IMPG2: variants seen among roughly 807,000 people sequenced by gnomAD.
IMPG2 encodes IPM 200.
IMPG2 carries 91 observed loss-of-function variants against 129.2 expected under a neutral mutation model. That is an observed-to-expected ratio of 0.70 (90% CI 0.59 to 0.84). IMPG2 has a LOEUF of 0.84. IMPG2 is among the 40% of genes least tolerant of loss of function. The pLI, the probability that IMPG2 is intolerant of heterozygous loss-of-function variation, is 0.00. For synonymous variants in IMPG2, 510 were observed against 517.7 expected (o/e 0.99, Z 0.20); for missense variants, 1,430 against 1,461.7 (o/e 0.98, Z 0.35).
intron 11 of IMPG2, among the ~76,000 whole-genome samples, chr3:101,248,071 G>A (rs1323601757): frequency 6.6e-6 from 1 of 152,126 alleles, no homozygotes; most frequent in Non-Finnish European, 1.5e-5. Context: ...GTCTATGGCC[G>A]TGAAATAAAA....
At chr3:101,250,104 G>T (rs574131853) in intron 11 of IMPG2, among the ~76,000 whole-genome samples, 1 of 152,260 alleles carries the variant, frequency 6.6e-6, no homozygotes, top group East Asian at 1.9e-4. Context: ...ATTACCAGGA[G>T]TACTGTTAAC....
intron 11 of IMPG2, among the ~76,000 whole-genome samples, chr3:101,249,076 A>G (rs546105): frequency 0.63 from 95,373 of 152,062 alleles, 30,278 homozygotes; most frequent in Admixed American, 0.7. Context: ...CTCCACAATT[A>G]CAGCTCCAGC....
chr3:101,256,190 AAAG>A (rs1484601436), intron 10 of IMPG2, among the ~76,000 whole-genome samples: 1 of 150,530 alleles, frequency 6.6e-6, no homozygotes, highest in African/African-American at 2.5e-5. Flanking sequence ...AGAAAGAAAG[AAAG>A]AAAGAAAGAA....
intron 10 of IMPG2, among the ~76,000 whole-genome samples, chr3:101,256,658 G>A (rs528108175): frequency 6.6e-6 from 1 of 152,086 alleles, no homozygotes; most frequent in Non-Finnish European, 1.5e-5. Flanking sequence ...TCTTTAAAAT[G>A]TGTGGGAGCT....
intron 4 of IMPG2, among the ~76,000 whole-genome samples, chr3:101,277,877 C>T (rs1706854457): frequency 6.6e-6 from 1 of 152,128 alleles, no homozygotes; most frequent in South Asian, 2.1e-4. Context: ...AGGGCTATTC[C>T]CTTAACCTTT....
intron 2 of IMPG2, among the ~76,000 whole-genome samples, chr3:101,306,676 A>G (rs909390889): frequency 6.6e-6 from 1 of 151,874 alleles, no homozygotes; most frequent in Non-Finnish European, 1.5e-5. Flanking sequence ...CAATGTTTGA[A>G]AAAAATAACT....
At chr3:101,262,114 C>A (rs1046852163) in intron 9 of IMPG2, among the ~76,000 whole-genome samples, 5 of 152,096 alleles carry the variant, frequency 3.3e-5, no homozygotes, top group Non-Finnish European at 5.9e-5. Flanking sequence ...AGTGCTATCA[C>A]ATTTCATCAA....
chr3:101,287,088 T>C (rs892498262), intron 4 of IMPG2, among the ~76,000 whole-genome samples: 1 of 152,148 alleles, frequency 6.6e-6, no homozygotes, highest in Non-Finnish European at 1.5e-5. Context: ...TCCAGTAAGG[T>C]CTGAAGTTAG....
chr3:101,303,887 G>A (rs1407358400), intron 3 of IMPG2, among the ~76,000 whole-genome samples: 4 of 152,154 alleles, frequency 2.6e-5, no homozygotes, highest in Non-Finnish European at 5.9e-5. Context: ...AAACAAGGCT[G>A]AGGCTCTTGT....
At chr3:101,265,185 G>GA (rs1343496984) in intron 9 of IMPG2, among the ~76,000 whole-genome samples, 4 of 151,782 alleles carry the variant, frequency 2.6e-5, no homozygotes, top group African/African-American at 7.3e-5. Context: ...CACAGAAATA[G>GA]AAAAAAAGTC....
intron 2 of IMPG2, among the ~76,000 whole-genome samples, chr3:101,306,559 C>A (rs1196894717): frequency 6.6e-6 from 1 of 151,930 alleles, no homozygotes; most frequent in Non-Finnish European, 1.5e-5. Flanking sequence ...AAAGTAAATT[C>A]CAAAAGACAA....
chr3:101,244,886 T>C, intron 12 of IMPG2, 99 bp from the exon 13 acceptor site: 2 of 994,380 alleles, frequency 2.0e-6, no homozygotes, highest in Non-Finnish European at 3.1e-6. Flanking sequence ...CCTGTGAAGT[T>C]AAGAGGGACA....
chr3:101,246,090 C>G lies in IMPG2; in HGVS notation c.1255G>C (p.Ala419Pro). The G allele has an allele frequency of 6.2e-7, 1 of 1,613,916 alleles. No homozygotes were observed. Among genetic ancestry groups the G allele is most frequent in the South Asian group, 1.1e-5 (1 of 91,072 alleles). Residue 419 changes from alanine to proline, a missense_variant, in exon 12 of 19, where the codon GCT becomes CCT. Physicochemically the swap from Ala to Pro is conservative, Grantham distance 27. Transcript: ENST00000193391. ...GATTCATCTGCTGAGGGCCATGCAG[C>G]TTGAAAGGTATTATCCTGGGGGGAA... is the stretch of plus-strand genomic sequence containing the variant. ...PSSILDNTFQ[A>P]AWPSADESIT... is the part of the protein sequence containing the mutation.
At chr3:101,255,333 T>C (rs889442163) in intron 10 of IMPG2, among the ~76,000 whole-genome samples, 1 of 152,142 alleles carries the variant, frequency 6.6e-6, no homozygotes. Flanking sequence ...TGGTACTAGA[T>C]ATTGTAAAGC....
At position 101,257,446 on chromosome 3, in the gene IMPG2, T is replaced by C. The variant is rs1034672251; in HGVS notation, c.1153+83A>G. The C allele has an allele frequency of 1.1e-5, 17 of 1,530,448 alleles. No homozygotes were observed. In the African/African-American group the frequency reaches 2.2e-4, roughly 20 times the overall value. The allele number at this position is 1,530,448 out of a possible 1,614,324, so 94.8% of individuals were successfully genotyped here. A position where few individuals can be genotyped will look rare whatever the true frequency, so the allele number is the denominator to read the frequency against. On this transcript the variant is annotated intron_variant, in intron 10 of 18. Transcript: ENST00000193391. The stretch of plus-strand genomic sequence containing the variant: ...AAAGTCTAGAGAATGGTCAGAACCT[T>C]ATATATTTCAGGAAATTAGTTTACA...
chr3:101,228,534 C>T (rs1200559891), intron 18 of IMPG2, among the ~76,000 whole-genome samples: 1 of 152,240 alleles, frequency 6.6e-6, no homozygotes, highest in Non-Finnish European at 1.5e-5. Context: ...CTGGCTATCA[C>T]TGTCATCTTA....
intron 4 of IMPG2, among the ~76,000 whole-genome samples, chr3:101,279,158 TA>T (rs147986606): frequency 0.012 from 1,872 of 152,296 alleles, 42 homozygotes; most frequent in African/African-American, 0.043. Flanking sequence ...CTTTCAATAA[TA>T]ACAGCAAGAA....
chr3:101,273,514 T>C, intron 7 of IMPG2, 67 bp downstream of exon 7: 2 of 1,494,008 alleles, frequency 1.3e-6, no homozygotes, highest in Non-Finnish European at 9.3e-7. Context: ...CTTTAAACAG[T>C]GTTGTGAATA....
rs1455137346 is a variant in IMPG2 at position 101,319,476 on chromosome 3, C to T, written c.334+108G>A. 3.0e-6 allele frequency: 4 copies of T among 1,330,132 alleles called. No homozygotes were observed. In the Admixed American group the frequency reaches 5.0e-5, roughly 17 times the overall value. The allele number at this position is 1,330,132 out of a possible 1,614,324, so 82.4% of individuals were successfully genotyped here. On this transcript the variant is annotated intron_variant, in intron 2 of 18. Transcript: ENST00000193391. The stretch of plus-strand genomic sequence containing the variant: ...TAGCAGTAGAAAGGTAGTTTTGGCT[C>T]AGTCCTGTCTAAATTATCGTAAATT...
Sources: gnomAD v4.1 joint callset for allele counts (sites outside exome capture counted in the v4.1 genomes callset) on GRCh38, gnomAD v4.1.1 for gene constraint, MANE v1.5 for transcripts, NCBI Gene and HGNC (gene_info 2026-07-23, HGNC 2026-07-21) for gene names.